The following NPAS3 variants were observed in gnomAD, a reference collection of about 807,000 sequenced individuals.
NPAS3 encodes neuronal PAS domain protein 3.
A neutral mutation model predicts 73.1 loss-of-function variants in NPAS3; 14 were observed. That is an observed-to-expected ratio of 0.19 (90% CI 0.13 to 0.30). The LOEUF is 0.30. Ranked by LOEUF, NPAS3 falls within the 10% of genes least tolerant of loss-of-function variation. The probability of loss-of-function intolerance (pLI) is 1.00; values close to 1 mark genes in which losing one functional copy is unlikely to be tolerated. For synonymous variants in NPAS3, 620 were observed against 541.5 expected (o/e 1.14, Z -2.01); for missense variants, 1,096 against 1,250.0 (o/e 0.88, Z 1.86).
chr14:33,368,788 T>A (rs1162780964), intron 4 of NPAS3, among the ~76,000 whole-genome samples: 4 of 152,202 alleles, frequency 2.6e-5, no homozygotes, highest in African/African-American at 9.6e-5. Context: ...TACTTCCTTT[T>A]CTCTTACACA....
intron 2 of NPAS3, among the ~76,000 whole-genome samples, chr14:33,173,311 C>T (rs1384895798): frequency 6.6e-6 from 1 of 151,970 alleles, no homozygotes. Flanking sequence ...AGTGATGCCA[C>T]TATAATATTA....
At chr14:33,357,139 G>T (rs1188257429) in intron 3 of NPAS3, among the ~76,000 whole-genome samples, 2 of 152,198 alleles carry the variant, frequency 1.3e-5, no homozygotes, top group Non-Finnish European at 2.9e-5. Context: ...CATAGTTACC[G>T]TTGAAAATTG....
intron 3 of NPAS3, among the ~76,000 whole-genome samples, chr14:33,291,683 A>C (rs2042105004): frequency 6.6e-6 from 1 of 152,256 alleles, no homozygotes; most frequent in South Asian, 2.1e-4. Context: ...GCTGTCAATC[A>C]AGGCTAATCA....
intron 6 of NPAS3, among the ~76,000 whole-genome samples, chr14:33,693,051 A>G (rs989845199): frequency 6.6e-6 from 1 of 152,078 alleles, no homozygotes; most frequent in African/African-American, 2.4e-5. Context: ...GAAAAACCAC[A>G]TCTTCCTTAA....
chr14:33,433,034 T>C (rs2048845278), intron 4 of NPAS3, among the ~76,000 whole-genome samples: 1 of 152,214 alleles, frequency 6.6e-6, no homozygotes, highest in Non-Finnish European at 1.5e-5. Flanking sequence ...TACGTTCAAA[T>C]GCAAAGGGAT....
At position 33,117,520 on chromosome 14, in the gene NPAS3, G is replaced by GT. The variant is rs573361043; in HGVS notation, c.140+61527dup. Among the ~76,000 whole-genome samples, 168 of 152,248 alleles carry GT rather than the reference G, an allele frequency of 1.1e-3. 2 individuals are homozygous for GT. Among genetic ancestry groups the GT allele is most frequent in the Admixed American group, 9.2e-3 (140 of 15,286 alleles). ...AGCCAAAGAGTGCAGTGTTAATGGT[G>GT]TGTCTTGCTATGGCGATTTAGGTTT... On this transcript the variant is annotated intron_variant, in intron 2 of 11. Transcript: ENST00000356141.
In NPAS3 at chr14:33,759,640, G is replaced by A. The variant is rs138294135; in HGVS notation, c.853-14697G>A. 2.8e-3 allele frequency among the ~76,000 whole-genome samples: 432 copies of A among 152,320 alleles called. 1 individual carries two copies. The highest frequency in any genetic ancestry group is 0.01 in the African/African-American group (426 of 41,572). ...GCTTTGGAAATAATGTTTTAAGAAA[G>A]TATAGGAAAAATAAAATGTATCTAG... On this transcript the variant is annotated intron_variant, in intron 7 of 11. Transcript: ENST00000356141.
intron 6 of NPAS3, among the ~76,000 whole-genome samples, chr14:33,716,819 G>A (rs993725436): frequency 6.6e-6 from 1 of 151,902 alleles, no homozygotes; most frequent in Non-Finnish European, 1.5e-5. Flanking sequence ...GCCCCCACCC[G>A]ACGATGGCTC....
chr14:33,479,416 G>A (rs903720603), intron 4 of NPAS3, among the ~76,000 whole-genome samples: 2 of 152,094 alleles, frequency 1.3e-5, no homozygotes, highest in African/African-American at 4.8e-5. Context: ...AAGACAGGAG[G>A]TCACTGTCAC....
chr14:33,003,377 G>T (rs1040414657), intron 1 of NPAS3, among the ~76,000 whole-genome samples: 1 of 152,078 alleles, frequency 6.6e-6, no homozygotes, highest in African/African-American at 2.4e-5. Flanking sequence ...CAGGCCAACT[G>T]CACAACTAAA....
chr14:33,792,073 G>T (rs1373978086), intron 9 of NPAS3, among the ~76,000 whole-genome samples: 1 of 152,160 alleles, frequency 6.6e-6, no homozygotes, highest in Non-Finnish European at 1.5e-5. Flanking sequence ...ACATCTTGTT[G>T]CATGCAACAA....
intron 1 of NPAS3, among the ~76,000 whole-genome samples, chr14:33,042,441 A>C (rs1384724152): frequency 6.6e-6 from 1 of 152,156 alleles, no homozygotes. Context: ...TATATAAGGA[A>C]TTTTCATGTC....
intron 2 of NPAS3, among the ~76,000 whole-genome samples, chr14:33,056,978 A>T (rs1194934296): frequency 6.6e-6 from 1 of 152,068 alleles, no homozygotes; most frequent in Non-Finnish European, 1.5e-5. Flanking sequence ...TTTTTTCCTT[A>T]AAAAATCCTT....
intron 4 of NPAS3, among the ~76,000 whole-genome samples, chr14:33,408,703 G>A (rs905458446): frequency 2.3e-4 from 35 of 152,148 alleles, no homozygotes; most frequent in African/African-American, 7.5e-4. Context: ...TGTCCCATAC[G>A]AACTGCTGTC....
At chr14:33,185,080 T>G (rs2045933656) in intron 2 of NPAS3, among the ~76,000 whole-genome samples, 1 of 152,180 alleles carries the variant, frequency 6.6e-6, no homozygotes, top group Non-Finnish European at 1.5e-5. Context: ...TCTCCACTCT[T>G]GTCCACAAAG....
chr14:33,664,642 T>A (rs1256517897), intron 5 of NPAS3, among the ~76,000 whole-genome samples: 3 of 152,092 alleles, frequency 2.0e-5, no homozygotes, highest in Non-Finnish European at 4.4e-5. Flanking sequence ...ATATCCAGAA[T>A]CTACAAGGAA....
In NPAS3 at chr14:33,633,262, G is replaced by A. The variant is rs147127022; in HGVS notation, c.559-42949G>A. On this transcript the variant is annotated intron_variant, in intron 5 of 11. Transcript: ENST00000356141. ...CCCCCAAAGATACTGAGGGATGGCT[G>A]TATGTAATTGATGCCCTCGAATGCA... Among the ~76,000 whole-genome samples the A allele has an allele frequency of 6.8e-4, 104 of 152,224 alleles. 1 individual carries two copies. The East Asian group carries it at 0.019, about 28-fold the overall frequency.
At chr14:33,667,111 A>C (rs1208788152) in intron 5 of NPAS3, among the ~76,000 whole-genome samples, 1 of 152,228 alleles carries the variant, frequency 6.6e-6, no homozygotes, top group East Asian at 1.9e-4. Context: ...TCAGTATAAA[A>C]CATGACAGTT....
chr14:33,746,840 C>T (rs2061817232), intron 7 of NPAS3, among the ~76,000 whole-genome samples: 1 of 151,892 alleles, frequency 6.6e-6, no homozygotes, highest in Non-Finnish European at 1.5e-5. Flanking sequence ...GTGTGCTGCA[C>T]CCACTAACTC....
Sources: gnomAD v4.1 joint callset for allele counts (sites outside exome capture counted in the v4.1 genomes callset) on GRCh38, gnomAD v4.1.1 for gene constraint, MANE v1.5 for transcripts, NCBI Gene and HGNC (gene_info 2026-07-23, HGNC 2026-07-21) for gene names.